SFMBT2: variants seen among roughly 807,000 people sequenced by gnomAD.
The protein encoded by SFMBT2 is Scm like with four mbt domains 2, also known as scm-like with four MBT domains protein 2.
SFMBT2 carries 38 observed loss-of-function variants against 110.1 expected under a neutral mutation model. That is an observed-to-expected ratio of 0.35 (90% CI 0.27 to 0.45). The LOEUF (loss-of-function observed/expected upper bound fraction) is 0.45. Among genes scored for constraint, SFMBT2 ranks in the 20% least tolerant of loss-of-function variants. The pLI, the probability that SFMBT2 is intolerant of heterozygous loss-of-function variation, is 1.00. For synonymous variants in SFMBT2, 425 were observed against 425.4 expected, an observed-to-expected ratio of 1.00 and a Z score of 0.01; for missense variants, 1,011 against 1,094.9, an observed-to-expected ratio of 0.92 and a Z score of 1.08.
intron 7 of SFMBT2, among the ~76,000 whole-genome samples, chr10:7,263,841 G>C (rs192067353): frequency 1.2e-4 from 18 of 152,164 alleles, no homozygotes; most frequent in Non-Finnish European, 2.9e-5. Context: ...TTACCCCTTT[G>C]GCTGTACCAG....
intron 1 of SFMBT2, among the ~76,000 whole-genome samples, chr10:7,384,593 A>G (rs1845535152): frequency 6.6e-6 from 1 of 152,216 alleles, no homozygotes; most frequent in Non-Finnish European, 1.5e-5. Context: ...TTAGTTTCCG[A>G]AAGCTTAGCT....
At chr10:7,242,015 C>T (rs775902265) in intron 9 of SFMBT2, among the ~76,000 whole-genome samples, 1 of 152,100 alleles carries the variant, frequency 6.6e-6, no homozygotes. Flanking sequence ...CCTTCAATGA[C>T]ACAGGACCCA....
At chr10:7,181,743 T>G (rs1838251766) in intron 16 of SFMBT2, among the ~76,000 whole-genome samples, 1 of 152,266 alleles carries the variant, frequency 6.6e-6, no homozygotes, top group Middle Eastern at 3.4e-3. Flanking sequence ...AACAGGCTTG[T>G]TTTGGAGTTG....
intron 13 of SFMBT2, chr10:7,200,891 A>C (rs1838933695): frequency 9.2e-6 from 5 of 546,416 alleles, no homozygotes; most frequent in Non-Finnish European, 1.2e-5. Flanking sequence ...ACTTTCCACT[A>C]ACCTTTGATT....
rs1195217470 is a variant in SFMBT2, at chr10:7,347,914, T to C, written c.436+19735A>G. Among the ~76,000 whole-genome samples the C allele has an allele frequency of 2.0e-5, 3 of 152,166 alleles. No individual in the cohort carries two copies. In the East Asian group the frequency reaches 5.8e-4, roughly 29 times the overall value. On this transcript the variant is annotated intron_variant, in intron 4 of 20. Coordinates refer to ENST00000397167, the MANE Select transcript of SFMBT2 (RefSeq NM_001387889.1). The stretch of plus-strand genomic sequence containing the variant: ...ACATACACTTAACTGAAAAAACCAT[T>C]AACGGTACTTACAAATCTAAAGATC...
chr10:7,204,616 G>A (rs1406479275), intron 12 of SFMBT2: 9 of 581,696 alleles, frequency 1.5e-5, no homozygotes, highest in Non-Finnish European at 2.0e-5. Flanking sequence ...TGGCCAAAGT[G>A]TAATTCCAGC....
chr10:7,386,813 A>G (rs1171055325), intron 1 of SFMBT2, among the ~76,000 whole-genome samples: 1 of 152,210 alleles, frequency 6.6e-6, no homozygotes, highest in East Asian at 1.9e-4. Flanking sequence ...TAAGTACATA[A>G]TAAACATGCA....
intron 6 of SFMBT2, among the ~76,000 whole-genome samples, chr10:7,281,259 T>A (rs887893063): frequency 6.6e-6 from 1 of 151,828 alleles, no homozygotes; most frequent in African/African-American, 2.4e-5. Context: ...AATAAATAAA[T>A]AAATAGTAAG....
rs964509877 is a variant in SFMBT2, at chr10:7,410,944, T to TCGCC, written c.-139_-136dup. 3.3e-5 allele frequency among the ~76,000 whole-genome samples: 5 copies of TCGCC among 150,922 alleles called. No individual in the cohort carries two copies. The highest frequency in any genetic ancestry group is 7.4e-5 in the Non-Finnish European group (5 of 67,758). ...GCACCGGCCTCGCTCGCTTGCTCGC[T>TCGCC]CGCCCGCCCTTGCCCGCTCGCTCCC... On this transcript the variant is annotated 5_prime_UTR_variant, in exon 1 of 21. It introduces an in-frame stop codon into an upstream open reading frame of the 5' UTR. Coordinates refer to ENST00000397167, the MANE Select transcript of SFMBT2 (RefSeq NM_001387889.1).
chr10:7,385,822 A>C (rs1052767049), intron 1 of SFMBT2, among the ~76,000 whole-genome samples: 1 of 151,974 alleles, frequency 6.6e-6, no homozygotes, highest in East Asian at 1.9e-4. Context: ...ACACGGTGAA[A>C]CCCCGTCTCT....
Position 7,285,942 on chromosome 10 carries a change from T to C in SFMBT2, c.449A>G (p.Lys150Arg), listed in dbSNP as rs559523221. 3.9e-4 allele frequency: 337 copies of C among 871,342 alleles called. 4 individuals carry two copies. The South Asian group carries it at 4.3e-3, about 11-fold the overall frequency. 54.0% of individuals were successfully genotyped at this position (871,342 alleles called of 1,614,324 possible). A position where few individuals can be genotyped will look rare whatever the true frequency, so the allele number is the denominator to read the frequency against. Reference sequence around the variant, plus strand: ...GAGAAATTCTGTCCAGTCTGTGTACTTCTCTTTGATTGCTGGCAAGACAAA... The same window carrying C: ...GAGAAATTCTGTCCAGTCTGTGTACCTCTCTTTGATTGCTGGCAAGACAAA... ...VLMPPDAIKE[K>R]YTDWTEFLIR... The change falls in exon 5 of 21, where the codon AAG (lysine) becomes AGG (arginine). Residue 150 changes from lysine (K) to arginine (R), a missense_variant. Lys to Arg is a conservative substitution (Grantham distance 26, BLOSUM62 2). Coordinates refer to ENST00000397167, the MANE Select transcript of SFMBT2 (RefSeq NM_001387889.1).
intron 4 of SFMBT2, among the ~76,000 whole-genome samples, chr10:7,299,933 A>G (rs1486213868): frequency 2.6e-5 from 4 of 152,204 alleles, no homozygotes; most frequent in Non-Finnish European, 5.9e-5. Context: ...AATAAGGAAA[A>G]TGTGGCACAT....
At chr10:7,407,376 C>T (rs1025429423) in intron 1 of SFMBT2, among the ~76,000 whole-genome samples, 1 of 152,092 alleles carries the variant, frequency 6.6e-6, no homozygotes, top group Non-Finnish European at 1.5e-5. Context: ...CCCTTCTCTA[C>T]GGTGCAAGAG....
chr10:7,229,546 G>A (rs1321639061), intron 9 of SFMBT2, among the ~76,000 whole-genome samples: 2 of 140,462 alleles, frequency 1.4e-5, no homozygotes, highest in Non-Finnish European at 3.0e-5. Context: ...AGTGAGCCGA[G>A]ATCTCCCCAC....
chr10:7,385,744 A>C (rs541507481), intron 1 of SFMBT2, among the ~76,000 whole-genome samples: 4 of 152,310 alleles, frequency 2.6e-5, no homozygotes, highest in African/African-American at 9.6e-5. Flanking sequence ...TCACGCCTGT[A>C]ATCCCAGCAC....
intron 7 of SFMBT2, among the ~76,000 whole-genome samples, chr10:7,268,015 GT>G (rs1208073313): frequency 6.6e-6 from 1 of 152,204 alleles, no homozygotes; most frequent in African/African-American, 2.4e-5. Flanking sequence ...GGACAAATGA[GT>G]TGTCAGTGAA....
chr10:7,265,344 T>C (rs1438894788), intron 7 of SFMBT2, among the ~76,000 whole-genome samples: 4 of 151,968 alleles, frequency 2.6e-5, no homozygotes, highest in African/African-American at 9.7e-5. Context: ...TGGGATAACA[T>C]GCGCATGCCA....
Position 7,171,110 on chromosome 10 carries a change from C to A in SFMBT2, c.2416-54G>T. 1 of 1,612,124 alleles carries A rather than the reference C, an allele frequency of 6.2e-7. No individual in the cohort carries two copies. Among genetic ancestry groups the A allele is most frequent in the South Asian group, 1.1e-5 (1 of 91,008 alleles). ...CTGCGGCACAGTCAGCTGGCTGGGT[C>A]CTCTCCAGCACTCTCCAGGCCTCGG... is the stretch of plus-strand genomic sequence containing the variant. On this transcript the variant is annotated intron_variant, in intron 19 of 20. Transcript: ENST00000397167. This position sits in a 1 kb window ranked among gnomAD's most constrained non-coding sequence, Gnocchi z 4.9.
At chr10:7,264,141 C>G (rs1425756447) in intron 7 of SFMBT2, 1 of 244,212 alleles carries the variant, frequency 4.1e-6, no homozygotes, top group African/African-American at 2.3e-5. Context: ...TGGCCTCACA[C>G]AGCATTTCTT....
Sources: allele counts gnomAD v4.1 joint callset (sites outside exome capture counted in the v4.1 genomes callset), GRCh38; gene constraint gnomAD v4.1.1; non-coding constraint Gnocchi (gnomAD v3.1); transcripts MANE v1.5; gene names NCBI Gene and HGNC (gene_info 2026-07-23, HGNC 2026-07-21).